Variants in CTNNA2 observed in about 807,000 individuals in gnomAD.
The protein encoded by CTNNA2 is catenin alpha 2, also known as catenin alpha-2.
CTNNA2 carries 42 observed loss-of-function variants against 101.0 expected under a neutral mutation model. The observed-to-expected ratio is 0.42, with a 90% CI of 0.32 to 0.54. The LOEUF (loss-of-function observed/expected upper bound fraction) is 0.54, where lower values mean the gene tolerates loss of function less well. Ranked by LOEUF, CTNNA2 falls within the 20% of genes least tolerant of loss-of-function variation. The pLI is 0.14. For synonymous variants in CTNNA2, 450 were observed against 456.4 expected (o/e 0.99, Z 0.18); for missense variants, 871 against 1,223.1 (o/e 0.71, Z 4.29).
chr2:79,769,004 G>A (rs569191210), intron 3 of CTNNA2, among the ~76,000 whole-genome samples: 22 of 152,102 alleles, frequency 1.4e-4, no homozygotes, highest in Admixed American at 2.0e-4. Flanking sequence ...ATAGGTGCCC[G>A]CCACCACGCC....
chr2:79,298,327 C>G (rs1263019874), intron 2 of CTNNA2, among the ~76,000 whole-genome samples: 1 of 152,128 alleles, frequency 6.6e-6, no homozygotes. Flanking sequence ...TTTATTACTG[C>G]AAGGCAGCAT....
intron 18 of CTNNA2, among the ~76,000 whole-genome samples, chr2:80,641,186 GT>G (rs1673437392): frequency 6.6e-6 from 1 of 152,132 alleles, no homozygotes; most frequent in South Asian, 2.1e-4. Context: ...AGTAATCAAA[GT>G]AAACACCTCA....
chr2:79,334,695 G>T (rs1214375162), intron 3 of CTNNA2, among the ~76,000 whole-genome samples: 1 of 152,090 alleles, frequency 6.6e-6, no homozygotes, highest in African/African-American at 2.4e-5. Flanking sequence ...CATAGAGAGG[G>T]CGATTCTTTG....
intron 1 of CTNNA2, among the ~76,000 whole-genome samples, chr2:79,536,085 G>A (rs1295315000): frequency 6.6e-6 from 1 of 152,112 alleles, no homozygotes; most frequent in Non-Finnish European, 1.5e-5. Context: ...AAGAAGATTC[G>A]GTCAAGGTAA....
At chr2:80,596,579 TG>T (rs771112235) in intron 15 of CTNNA2, among the ~76,000 whole-genome samples, 4 of 151,990 alleles carry the variant, frequency 2.6e-5, no homozygotes, top group Admixed American at 6.6e-5. Flanking sequence ...CTCAAAGTGC[TG>T]GGATTACAGG....
At chr2:79,724,089 G>A (rs548887512) in intron 2 of CTNNA2, among the ~76,000 whole-genome samples, 3 of 152,288 alleles carry the variant, frequency 2.0e-5, no homozygotes, top group African/African-American at 7.2e-5. Context: ...TGTTACTGAT[G>A]TTGACACTTG....
intron 3 of CTNNA2, among the ~76,000 whole-genome samples, chr2:79,855,581 C>T (rs757037126): frequency 4.6e-5 from 7 of 152,160 alleles, no homozygotes; most frequent in Admixed American, 1.3e-4. Context: ...AAGTAGTGCA[C>T]AAGCTCCACC....
At chr2:80,022,828 C>T (rs1351352587) in intron 7 of CTNNA2, among the ~76,000 whole-genome samples, 1 of 152,164 alleles carries the variant, frequency 6.6e-6, no homozygotes, top group Non-Finnish European at 1.5e-5. Context: ...ACTCGTATGG[C>T]AGGCCTTTTG....
chr2:79,406,679 T>C (rs1678345360), intron 4 of CTNNA2, among the ~76,000 whole-genome samples: 1 of 152,010 alleles, frequency 6.6e-6, no homozygotes, highest in South Asian at 2.1e-4. Flanking sequence ...AGGGTCTCAT[T>C]TATTTTAAAT....
intron 3 of CTNNA2, among the ~76,000 whole-genome samples, chr2:79,334,761 T>A (rs935599016): frequency 2.6e-5 from 4 of 152,156 alleles, no homozygotes; most frequent in Admixed American, 6.5e-5. Context: ...GATAAGATAA[T>A]GCAAATCATT....
chr2:80,064,040 A>G (rs780440768), intron 7 of CTNNA2, among the ~76,000 whole-genome samples: 12 of 152,252 alleles, frequency 7.9e-5, no homozygotes, highest in Non-Finnish European at 1.5e-4. Context: ...AATGAAAAGT[A>G]TGGGACTAGA....
rs1677085156 is a variant in CTNNA2 at position 79,339,658 on chromosome 2, G to A, written c.-318+26862G>A. The A allele has an allele frequency of 2.6e-5, 4 of 152,218 alleles. No individual in the cohort carries two copies. The South Asian group carries it at 8.3e-4, about 32-fold the overall frequency. 9.4% of individuals were successfully genotyped at this position (152,218 alleles called of 1,614,324 possible). ...AGAAAGTTTAAGGGATGTGTCAAAT[G>A]TCACACAGCTCACAGATCCAGGGAC... On this transcript the variant is annotated intron_variant, in intron 3 of 21. Coordinates refer to the CTNNA2 transcript ENST00000466387.
intron 7 of CTNNA2, among the ~76,000 whole-genome samples, chr2:80,168,359 G>T (rs1447975714): frequency 1.3e-5 from 2 of 152,096 alleles, no homozygotes; most frequent in Admixed American, 1.3e-4. Context: ...TTGAAAGAAA[G>T]AAAATATCTA....
At chr2:79,710,251 T>A (rs910900038) in intron 2 of CTNNA2, among the ~76,000 whole-genome samples, 3 of 152,182 alleles carry the variant, frequency 2.0e-5, no homozygotes, top group Admixed American at 6.5e-5. Flanking sequence ...CATATGAAGA[T>A]GAAAAGTACA....
intron 2 of CTNNA2, among the ~76,000 whole-genome samples, chr2:79,202,057 G>T (rs1674042221): frequency 6.6e-6 from 1 of 152,174 alleles, no homozygotes; most frequent in Admixed American, 6.5e-5. Flanking sequence ...AATCTTTTGA[G>T]TCCTTGATCA....
chr2:80,525,275 G>T (rs928876932), intron 9 of CTNNA2, among the ~76,000 whole-genome samples: 20 of 151,826 alleles, frequency 1.3e-4, no homozygotes, highest in Non-Finnish European at 2.9e-5. Flanking sequence ...CTCCTGCCTG[G>T]TTGGATGGGC....
rs149800506 is a variant in CTNNA2 at position 80,426,226 on chromosome 2, A to G, written c.1290+6625A>G. ...CCTCACGTCTAAGCCTTCTGGAGAA[A>G]TGGAATACAAATTATGGCAACTCAG... is the stretch of plus-strand genomic sequence containing the variant. On this transcript the variant is annotated intron_variant, in intron 9 of 18. Transcript: ENST00000402739. 8.1e-3 allele frequency among the ~76,000 whole-genome samples: 1,230 copies of G among 152,296 alleles called. 8 individuals are homozygous for G. The highest frequency in any genetic ancestry group is 0.021 in the South Asian group (102 of 4,832).
chr2:79,402,982 T>G (rs569486045), intron 4 of CTNNA2, among the ~76,000 whole-genome samples: 1 of 151,902 alleles, frequency 6.6e-6, no homozygotes, highest in Admixed American at 6.6e-5. Context: ...AGAAGATAAT[T>G]TATAGCTATA....
chr2:80,410,638 G>C (rs188044054), intron 8 of CTNNA2, among the ~76,000 whole-genome samples: 283 of 152,270 alleles, frequency 1.9e-3, no homozygotes, highest in Non-Finnish European at 3.0e-3. Flanking sequence ...TTGTAGGCAA[G>C]GGCATTTAAA....
Sources: allele counts gnomAD v4.1 joint callset (sites outside exome capture counted in the v4.1 genomes callset), GRCh38; gene constraint gnomAD v4.1.1; transcripts MANE v1.5; gene names NCBI Gene and HGNC (gene_info 2026-07-23, HGNC 2026-07-21).